The following C10orf90 variants were observed in gnomAD, a reference collection of about 807,000 sequenced individuals.
C10orf90 encodes the protein chromosome 10 open reading frame 90.
Under a neutral mutation model 62.5 loss-of-function variants are expected in C10orf90, and 56 were observed. The ratio of observed to expected loss-of-function variants is 0.90; its 90% CI spans 0.72 to 1.12. C10orf90 has a LOEUF of 1.12. C10orf90 is among the 50% of genes most tolerant of loss of function. The pLI is 0.00. For missense variants in C10orf90, 970 were observed against 880.4 expected (o/e 1.10, Z -1.29); for synonymous variants, 386 against 340.4 (o/e 1.13, Z -1.47).
At chr10:126,582,174 C>T (rs890453476) in intron 2 of C10orf90, among the ~76,000 whole-genome samples, 3 of 152,200 alleles carry the variant, frequency 2.0e-5, no homozygotes, top group African/African-American at 7.2e-5. Context: ...TAATAAGTCC[C>T]CCAAACTAAC....
chr10:126,580,288 T>A (rs1432875397), intron 2 of C10orf90, among the ~76,000 whole-genome samples: 1 of 152,238 alleles, frequency 6.6e-6, no homozygotes, highest in Non-Finnish European at 1.5e-5. Context: ...TTAGGAGATC[T>A]TGATCTTTTC....
At chr10:126,622,186 C>T (rs969107854) in intron 2 of C10orf90, among the ~76,000 whole-genome samples, 25 of 152,110 alleles carry the variant, frequency 1.6e-4, no homozygotes, top group Non-Finnish European at 3.1e-4. Context: ...TATCATAGTC[C>T]CTGGGACATA....
At chr10:126,482,906 G>T (rs569465824) in intron 4 of C10orf90, among the ~76,000 whole-genome samples, 1 of 152,300 alleles carries the variant, frequency 6.6e-6, no homozygotes, top group South Asian at 2.1e-4. Context: ...AAGGAACAAG[G>T]AGTTAAGGAG....
intron 2 of C10orf90, among the ~76,000 whole-genome samples, chr10:126,580,825 G>A (rs1363954254): frequency 6.6e-6 from 1 of 151,852 alleles, no homozygotes; most frequent in African/African-American, 2.4e-5. Flanking sequence ...ATATGTGTGT[G>A]CATGTTCATG....
At chr10:126,461,706 G>T in intron 5 of C10orf90, 121 bp from the exon 6 acceptor site, 1 of 980,094 alleles carries the variant, frequency 1.0e-6, no homozygotes, top group Non-Finnish European at 1.5e-6. Flanking sequence ...CTATTAATGG[G>T]CCTCGTTAAG....
Position 126,576,735 on chromosome 10 carries a change from T to G in C10orf90, c.314-62796A>C, listed in dbSNP as rs369572719. On this transcript the variant is annotated intron_variant, in intron 2 of 9. Coordinates refer to ENST00000488181, the MANE Select transcript of C10orf90 (RefSeq NM_001350921.2). ...TATATACAAGATATACATATATATG[T>G]ATATGTATATATACATATAGATAAT... 6.6e-3 allele frequency among the ~76,000 whole-genome samples: 308 copies of G among 46,862 alleles called. 11 individuals carry two copies. The highest frequency in any genetic ancestry group is 0.023 in the African/African-American group (233 of 10,084). The allele number at this position is 46,862 out of a possible 152,430, so 30.7% of individuals were successfully genotyped here. A position where few individuals can be genotyped will look rare whatever the true frequency, so the allele number is the denominator to read the frequency against.
At chr10:126,482,706 GA>G (rs1861229695) in intron 4 of C10orf90, among the ~76,000 whole-genome samples, 1 of 152,176 alleles carries the variant, frequency 6.6e-6, no homozygotes, top group African/African-American at 2.4e-5. Flanking sequence ...TCAGCCACAT[GA>G]GGGCAATTTT....
chr10:126,619,131 A>G (rs1845597471), intron 2 of C10orf90, among the ~76,000 whole-genome samples: 1 of 152,190 alleles, frequency 6.6e-6, no homozygotes, highest in African/African-American at 2.4e-5. Context: ...CACCGTGCAC[A>G]CTATCTTGCT....
rs1369500449 is a variant in C10orf90 at position 126,509,346 on chromosome 10, C to T, written c.406-4261G>A. Among the ~76,000 whole-genome samples the T allele has an allele frequency of 2.0e-5, 3 of 152,136 alleles. No homozygotes were observed. In the East Asian group the frequency reaches 5.8e-4, roughly 29 times the overall value. On this transcript the variant is annotated intron_variant, in intron 3 of 9. Transcript: ENST00000488181. Reference sequence around the variant, plus strand: ...GTGATGTAATTCTCCAGTACTCTTCCCATGACCCAGCAGAAACGAGTGGAT... The same window carrying T: ...GTGATGTAATTCTCCAGTACTCTTCTCATGACCCAGCAGAAACGAGTGGAT...
intron 2 of C10orf90, among the ~76,000 whole-genome samples, chr10:126,521,725 T>C (rs917703828): frequency 6.6e-6 from 1 of 152,268 alleles, no homozygotes; most frequent in African/African-American, 2.4e-5. Context: ...TTTTTACAAA[T>C]GGTTTATGTA....
intron 7 of C10orf90, among the ~76,000 whole-genome samples, chr10:126,445,803 GTGTATATA>G (rs990067444): frequency 5.5e-4 from 37 of 67,074 alleles, no homozygotes; most frequent in African/African-American, 2.4e-3. Context: ...AGAAACTGTG[GTGTATATA>G]TATATATATA....
At position 126,504,055 on chromosome 10, in the gene C10orf90, G is replaced by C. The variant is rs765232910; in HGVS notation, c.1436C>G (p.Thr479Ser). The change falls in exon 4 of 10, where the codon ACT (threonine) becomes AGT (serine). Residue 479 changes from threonine (T) to serine (S), a missense_variant. Transcript: ENST00000488181. The surrounding 1 kb of genome is among the most constrained non-coding windows in gnomAD (Gnocchi z 4.1). Reference sequence around the variant, plus strand: ...ATGGTCCTTTTCCCCTTTTCTTACAGTGACTTGGTTAGCTCCCACATTTGC... The same window carrying C: ...ATGGTCCTTTTCCCCTTTTCTTACACTGACTTGGTTAGCTCCCACATTTGC... ...ELANVGANQV[T>S]VRKGEKDHTT... is the part of the protein sequence containing the mutation. The C allele has an allele frequency of 1.1e-5, 18 of 1,614,038 alleles. No homozygotes were observed. In the South Asian group the frequency reaches 1.9e-4, roughly 17 times the overall value.
At chr10:126,516,711 CA>C (rs1344878829) in intron 2 of C10orf90, among the ~76,000 whole-genome samples, 3 of 152,208 alleles carry the variant, frequency 2.0e-5, no homozygotes, top group Non-Finnish European at 4.4e-5. Context: ...CAAACGACCA[CA>C]AATTCAGGGC....
chr10:126,565,355 T>TAA (rs1417642447), intron 2 of C10orf90, among the ~76,000 whole-genome samples: 68 of 73,164 alleles, frequency 9.3e-4, no homozygotes, highest in African/African-American at 2.9e-3. Context: ...ATATAATATA[T>TAA]AATATATATT....
chr10:126,624,811 G>C (rs553308946), intron 2 of C10orf90, among the ~76,000 whole-genome samples: 16 of 152,258 alleles, frequency 1.1e-4, no homozygotes, highest in African/African-American at 3.6e-4. Flanking sequence ...AGCCCCCACA[G>C]TGGGGGGCAG....
chr10:126,627,872 G>A (rs1171616877), intron 2 of C10orf90, among the ~76,000 whole-genome samples: 5 of 152,154 alleles, frequency 3.3e-5, no homozygotes, highest in Non-Finnish European at 5.9e-5. Context: ...ATCGGCATGC[G>A]CCTCTGTGCC....
chr10:126,459,210 A>G lies in C10orf90; in HGVS notation c.2018T>C (p.Leu673Pro), dbSNP rs1859788175. The G allele has an allele frequency of 1.2e-6, 2 of 1,613,936 alleles. No individual in the cohort carries two copies. The highest frequency in any genetic ancestry group is 1.7e-6 in the Non-Finnish European group (2 of 1,180,038). ...PARSLTLQEA[L>P]EVRKPQFISR... is the part of the protein sequence containing the mutation. ...AATGAACTGAGGCTTACGAACTTCC[A>G]GTGCTTCCTATGCAAAGCAAAGAAA... is the stretch of plus-strand genomic sequence containing the variant. The change falls in exon 7 of 10, where the codon CTG (leucine) becomes CCG (proline). Residue 673 changes from leucine to proline, a missense_variant. By Grantham distance (98) the Leu-to-Pro change is moderately conservative. Coordinates refer to ENST00000488181, the MANE Select transcript of C10orf90 (RefSeq NM_001350921.2).
intron 2 of C10orf90, among the ~76,000 whole-genome samples, chr10:126,541,641 A>G (rs1164596566): frequency 3.3e-5 from 5 of 152,232 alleles, no homozygotes; most frequent in African/African-American, 9.6e-5. Flanking sequence ...CAATACTGCA[A>G]TGAGATACCA....
intron 4 of C10orf90, among the ~76,000 whole-genome samples, chr10:126,472,556 T>A (rs1159975251): frequency 6.6e-6 from 1 of 152,170 alleles, no homozygotes; most frequent in Non-Finnish European, 1.5e-5. Flanking sequence ...TCCTTGCTGT[T>A]GATGGTTCTC....
Sources: gnomAD v4.1 joint callset for allele counts (sites outside exome capture counted in the v4.1 genomes callset) on GRCh38, gnomAD v4.1.1 for gene constraint, Gnocchi (gnomAD v3.1) non-coding constraint, MANE v1.5 for transcripts, NCBI Gene and HGNC (gene_info 2026-07-23, HGNC 2026-07-21) for gene names.